SLC3A2: variants seen among roughly 807,000 people sequenced by gnomAD.
The protein encoded by SLC3A2 is solute carrier family 3 member 2.
In SLC3A2, 32 loss-of-function variants were observed where a neutral mutation model predicts 48.5. The ratio of observed to expected loss-of-function variants is 0.66; its 90% CI spans 0.50 to 0.89. The LOEUF (loss-of-function observed/expected upper bound fraction) is 0.89, where lower values mean the gene tolerates loss of function less well. SLC3A2 is among the 40% of genes least tolerant of loss of function. SLC3A2 has a pLI of 0.00. For synonymous variants in SLC3A2, 277 were observed against 288.8 expected (o/e 0.96, Z 0.41); for missense variants, 587 against 680.7 (o/e 0.86, Z 1.53).
At position 62,882,364 on chromosome 11, in the gene SLC3A2, G is replaced by C. The variant is rs539545729; in HGVS notation, c.598+298G>C. 223 of 242,480 alleles carry C rather than the reference G, an allele frequency of 9.2e-4. No homozygotes were observed. The East Asian group carries it at 0.018, about 19-fold the overall frequency. The allele number at this position is 242,480 out of a possible 1,614,324, so 15.0% of individuals were successfully genotyped here. A position where few individuals can be genotyped will look rare whatever the true frequency, so the allele number is the denominator to read the frequency against. On this transcript the variant is annotated intron_variant, in intron 2 of 8. Coordinates refer to ENST00000338663, the MANE Select transcript of SLC3A2 (RefSeq NM_001013251.3). ...ACTTGTAAAACAGTAGGTTTTTTTG[G>C]GGGGGGGGAATCCCAAATATTGTTT... is the stretch of plus-strand genomic sequence containing the variant.
At chr11:62,857,695 C>CAAAAAAA (rs56818745) in intron 1 of SLC3A2, among the ~76,000 whole-genome samples, 1 of 52,794 alleles carries the variant, frequency 1.9e-5, no homozygotes, top group Non-Finnish European at 3.2e-5. Context: ...GACCCTGTCT[C>CAAAAAAA]AAAAAAAAAA....
At chr11:62,862,820 C>T (rs2134975257) in intron 1 of SLC3A2, among the ~76,000 whole-genome samples, 1 of 152,224 alleles carries the variant, frequency 6.6e-6, no homozygotes, top group South Asian at 2.1e-4. Context: ...GCAACCCTGC[C>T]CCCACCTGGC....
At chr11:62,866,847 T>C (rs1042342403) in intron 1 of SLC3A2, among the ~76,000 whole-genome samples, 2 of 152,200 alleles carry the variant, frequency 1.3e-5, no homozygotes, top group Non-Finnish European at 2.9e-5. Context: ...CAAGTCAATA[T>C]AGTATTGCAT....
Position 62,881,870 on chromosome 11 carries a change from T to TGTTA in SLC3A2, c.425-22_425-19dup. On this transcript the variant is annotated intron_variant, in intron 1 of 8. Transcript: ENST00000338663. The surrounding 1 kb of genome is among the most constrained non-coding windows in gnomAD (Gnocchi z 4.0). ...AGGGGCCTCTCAGAGGGGCCTCACT[T>TGTTA]GTTAACCCAGCCCCCATTTCAGGTC... The TGTTA allele has an allele frequency of 6.2e-7, 1 of 1,611,020 alleles. No individual in the cohort carries two copies. The highest frequency in any genetic ancestry group is 1.1e-5 in the South Asian group (1 of 91,014).
chr11:62,875,235 T>G (rs1565249805), intron 1 of SLC3A2, among the ~76,000 whole-genome samples: 1 of 152,162 alleles, frequency 6.6e-6, no homozygotes, highest in Non-Finnish European at 1.5e-5. Flanking sequence ...TCCCATCTTC[T>G]CTCTGCCTTT....
At chr11:62,883,759 G>T (rs2085671981) in intron 3 of SLC3A2, 2 of 298,166 alleles carry the variant, frequency 6.7e-6, no homozygotes, top group Admixed American at 8.5e-5. Context: ...GGCATGAGGG[G>T]CGGTACCCTC....
rs2085640249 is a variant in SLC3A2, at chr11:62,881,598, C to T, written c.424+151C>T. On this transcript the variant is annotated intron_variant, in intron 1 of 8. Coordinates refer to ENST00000338663, the MANE Select transcript of SLC3A2 (RefSeq NM_001013251.3). This position sits in a 1 kb window ranked among gnomAD's most constrained non-coding sequence, Gnocchi z 4.0. The stretch of plus-strand genomic sequence containing the variant: ...CCCTTCCCCCACCCCCTCCCCGGCA[C>T]ATTGTCCTTCCCTCCTTTCTTTGAA... 2 of 1,148,358 alleles carry T rather than the reference C, an allele frequency of 1.7e-6. No homozygotes were observed. Among genetic ancestry groups the T allele is most frequent in the Admixed American group, 5.8e-5 (2 of 34,574 alleles). The allele number at this position is 1,148,358 out of a possible 1,614,324, so 71.1% of individuals were successfully genotyped here.
rs912833742 is a variant in SLC3A2, at chr11:62,881,853, C to T, written c.425-40C>T. On this transcript the variant is annotated intron_variant, in intron 1 of 8. Coordinates refer to ENST00000338663, the MANE Select transcript of SLC3A2 (RefSeq NM_001013251.3). This position sits in a 1 kb window ranked among gnomAD's most constrained non-coding sequence, Gnocchi z 4.0. ...GGGAGGGTGGGGAGGTCAGGGGCCT[C>T]TCAGAGGGGCCTCACTTGTTAACCC... 6.2e-7 allele frequency: 1 copy of T among 1,603,874 alleles called. No homozygotes were observed. The highest frequency in any genetic ancestry group is 8.5e-7 in the Non-Finnish European group (1 of 1,173,122).
chr11:62,882,569 C>A, intron 2 of SLC3A2: 1 of 300,142 alleles, frequency 3.3e-6, no homozygotes, highest in Non-Finnish European at 6.6e-6. Context: ...ACTGCAGCCT[C>A]CTCCCCCAGG....
chr11:62,882,779 C>G (rs181261052), intron 2 of SLC3A2, 129 bp from the exon 3 acceptor site: 49 of 776,250 alleles, frequency 6.3e-5, no homozygotes, highest in Non-Finnish European at 9.2e-5. Flanking sequence ...TGAATTTTGC[C>G]CGGGTTCAAA....
intron 2 of SLC3A2, chr11:62,882,311 T>A: frequency 2.1e-6 from 1 of 486,380 alleles, no homozygotes; most frequent in Non-Finnish European, 3.7e-6. Flanking sequence ...TTGCAAAATA[T>A]AGATATTTAC....
At position 62,881,627 on chromosome 11, in the gene SLC3A2, A is replaced by T; in HGVS notation, c.424+180A>T. 1 of 1,016,542 alleles carries T rather than the reference A, an allele frequency of 9.8e-7. No homozygotes were observed. The highest frequency in any genetic ancestry group is 1.4e-6 in the Non-Finnish European group (1 of 719,680). The allele number at this position is 1,016,542 out of a possible 1,614,324, so 63.0% of individuals were successfully genotyped here. A position where few individuals can be genotyped will look rare whatever the true frequency, so the allele number is the denominator to read the frequency against. On this transcript the variant is annotated intron_variant, in intron 1 of 8. Coordinates refer to ENST00000338663, the MANE Select transcript of SLC3A2 (RefSeq NM_001013251.3). This position sits in a 1 kb window ranked among gnomAD's most constrained non-coding sequence, Gnocchi z 4.0. ...GTCCTTCCCTCCTTTCTTTGAAGAA[A>T]GCCGACCCGCCCCTCACTCCGTCAC...
chr11:62,863,630 A>C (rs1049639735), intron 1 of SLC3A2, among the ~76,000 whole-genome samples: 1 of 152,136 alleles, frequency 6.6e-6, no homozygotes, highest in African/African-American at 2.4e-5. Context: ...CAATGTACTA[A>C]TGTTTTCTGG....
upstream of SLC3A2, among the ~76,000 whole-genome samples, chr11:62,878,157 TCAAAAAAAAAAAAA>T (rs1267886645): frequency 6.9e-6 from 1 of 144,276 alleles, no homozygotes; most frequent in Non-Finnish European, 1.5e-5. Flanking sequence ...AGACCCTGTC[TCAAAAAAAAAAAAA>T]CAAAAAACAA....
At chr11:62,860,442 C>T (rs564089268) in intron 1 of SLC3A2, among the ~76,000 whole-genome samples, 25 of 149,112 alleles carry the variant, frequency 1.7e-4, no homozygotes, top group African/African-American at 4.0e-4. Context: ...GGCGACAAGG[C>T]GAGACTCTGT....
At chr11:62,856,181 G>C in exon 1 of SLC3A2, 2 of 1,040,220 alleles carry the variant, frequency 1.9e-6, no homozygotes, top group Admixed American at 4.7e-5. Context: ...GGCGATCCTG[G>C]ACTGACGGTC....
intron 1 of SLC3A2, among the ~76,000 whole-genome samples, chr11:62,874,771 TC>T (rs1378073158): frequency 2.6e-5 from 4 of 151,606 alleles, no homozygotes; most frequent in Admixed American, 6.6e-5. Flanking sequence ...TTTTTCTTTT[TC>T]TTTTTTTTTT....
intron 1 of SLC3A2, among the ~76,000 whole-genome samples, chr11:62,861,080 A>C (rs1055047300): frequency 5.3e-5 from 8 of 151,840 alleles, no homozygotes; most frequent in Non-Finnish European, 8.8e-5. Flanking sequence ...TCTTTCCCCC[A>C]CATAATCCCA....
intron 1 of SLC3A2, among the ~76,000 whole-genome samples, chr11:62,862,194 G>A (rs1177837403): frequency 1.3e-5 from 2 of 151,248 alleles, no homozygotes; most frequent in African/African-American, 2.4e-5. Flanking sequence ...GAGTGTGCCT[G>A]TAATCCCAGC....
Sources: gnomAD v4.1 joint callset for allele counts (sites outside exome capture counted in the v4.1 genomes callset) on GRCh38, gnomAD v4.1.1 for gene constraint, Gnocchi (gnomAD v3.1) non-coding constraint, MANE v1.5 for transcripts, NCBI Gene and HGNC (gene_info 2026-07-23, HGNC 2026-07-21) for gene names.